Variants in ATG16L1 observed in about 807,000 individuals in gnomAD.
ATG16L1 encodes the protein autophagy-related protein 16-1.
Under a neutral mutation model 88.5 loss-of-function variants are expected in ATG16L1, and 37 were observed. The ratio of observed to expected loss-of-function variants is 0.42; its 90% CI spans 0.32 to 0.55. The LOEUF (loss-of-function observed/expected upper bound fraction) is 0.55, where lower values mean the gene tolerates loss of function less well. Ranked by LOEUF, ATG16L1 falls within the 20% of genes least tolerant of loss-of-function variation. ATG16L1 has a pLI of 0.13. For synonymous variants in ATG16L1, 301 were observed against 281.0 expected (o/e 1.07, Z -0.71); for missense variants, 554 against 752.8 (o/e 0.74, Z 3.09).
At chr2:233,276,440 T>C (rs541776341) in intron 9 of ATG16L1, among the ~76,000 whole-genome samples, 1 of 152,300 alleles carries the variant, frequency 6.6e-6, no homozygotes, top group South Asian at 2.1e-4. Flanking sequence ...CATAATCTTC[T>C]TAAGAGAGTA....
At chr2:233,276,701 T>C (rs536003019) in intron 9 of ATG16L1, among the ~76,000 whole-genome samples, 1 of 152,336 alleles carries the variant, frequency 6.6e-6, no homozygotes, top group East Asian at 1.9e-4. Context: ...GGTCTTGAAC[T>C]CCTGAGCTCA....
Position 233,286,650 on chromosome 2 carries a change from G to C in ATG16L1, c.1204-3204G>C, listed in dbSNP as rs550299890. ...TTTTTTTTTTTTTTTTTTTGAGACA[G>C]TGTCTCGCTCAGTCACCCAGGCTGG... On this transcript the variant is annotated intron_variant, in intron 12 of 17. Coordinates refer to ENST00000392017, the MANE Select transcript of ATG16L1 (RefSeq NM_030803.7). 7.7e-5 allele frequency among the ~76,000 whole-genome samples: 8 copies of C among 103,858 alleles called. No homozygotes were observed. The South Asian group carries it at 1.2e-3, about 15-fold the overall frequency. 68.1% of individuals were successfully genotyped at this position (103,858 alleles called of 152,430 possible).
intron 12 of ATG16L1, chr2:233,288,635 T>C (rs1289872281): frequency 2.4e-6 from 1 of 415,608 alleles, no homozygotes. Flanking sequence ...GAACCTCTGG[T>C]GTTTTACACA....
intron 12 of ATG16L1, among the ~76,000 whole-genome samples, chr2:233,284,417 C>T (rs913360827): frequency 1.7e-4 from 26 of 152,212 alleles, no homozygotes; most frequent in African/African-American, 6.3e-4. Context: ...CTGCAAGCTC[C>T]ACCTGCCAGG....
chr2:233,273,704 C>A lies in ATG16L1; in HGVS notation c.795-17C>A. The A allele has an allele frequency of 6.2e-7, 1 of 1,613,516 alleles. No homozygotes were observed. The highest frequency in any genetic ancestry group is 1.1e-5 in the South Asian group (1 of 91,012). On this transcript the variant is annotated splice_polypyrimidine_tract_variant and intron_variant, in intron 7 of 17. Transcript: ENST00000392017. ...AAATGTTTCTAAGGTTTAAACCTATCCTCCCCTCCTCTTTAGTAAGCGACT... is the reference window on the plus strand; with the variant it reads ...AAATGTTTCTAAGGTTTAAACCTATACTCCCCTCCTCTTTAGTAAGCGACT...
At chr2:233,267,474 T>C (rs1697686213) in intron 5 of ATG16L1, among the ~76,000 whole-genome samples, 1 of 152,172 alleles carries the variant, frequency 6.6e-6, no homozygotes, top group Admixed American at 6.5e-5. Context: ...AAAAAATGAC[T>C]GGAAGGAATT....
At chr2:233,271,331 T>C (rs980540319) in intron 6 of ATG16L1, among the ~76,000 whole-genome samples, 2 of 152,212 alleles carry the variant, frequency 1.3e-5, no homozygotes, top group African/African-American at 4.8e-5. Flanking sequence ...CAGGCTGGAG[T>C]GCAATGGTGC....
In ATG16L1 at chr2:233,273,717, T is replaced by G; in HGVS notation, c.795-4T>G. ...GTTTAAACCTATCCTCCCCTCCTCT[T>G]TAGTAAGCGACTCTCGCAGCCTGCT... is the stretch of plus-strand genomic sequence containing the variant. On this transcript the variant is annotated splice_region_variant and splice_polypyrimidine_tract_variant and intron_variant, in intron 7 of 17. Coordinates refer to ENST00000392017, the MANE Select transcript of ATG16L1 (RefSeq NM_030803.7). 6.2e-7 allele frequency: 1 copy of G among 1,614,158 alleles called. No homozygotes were observed.
In ATG16L1 at chr2:233,258,019, ATCTAT is replaced by A. The variant is rs1559377522; in HGVS notation, c.209+1825_209+1829del. Reference sequence around the variant, plus strand: ...TCCGTCTCAAAAAAAAAAAAAAAATATCTATATATCTATATATCTATATATCTATA... The same window carrying A: ...TCCGTCTCAAAAAAAAAAAAAAAATAATATCTATATATCTATATATCTATA... On this transcript the variant is annotated intron_variant, in intron 2 of 17. Coordinates refer to ENST00000392017, the MANE Select transcript of ATG16L1 (RefSeq NM_030803.7). Among the ~76,000 whole-genome samples the A allele has an allele frequency of 1.6e-3, 221 of 138,238 alleles. 4 individuals are homozygous for A. In the East Asian group the frequency reaches 0.029, roughly 18 times the overall value. 90.7% of individuals were successfully genotyped at this position (138,238 alleles called of 152,430 possible).
intron 9 of ATG16L1, chr2:233,277,329 C>T (rs972560387): frequency 4.8e-6 from 2 of 414,028 alleles, no homozygotes; most frequent in Non-Finnish European, 9.0e-6. Context: ...GCAGTCTACA[C>T]AGATTTTGAG....
intron 9 of ATG16L1, among the ~76,000 whole-genome samples, chr2:233,276,169 G>A (rs1050489334): frequency 6.6e-6 from 1 of 152,074 alleles, no homozygotes; most frequent in Admixed American, 6.6e-5. Flanking sequence ...CACTCCCTCC[G>A]TGATACTTCA....
Position 233,270,293 on chromosome 2 carries a change from C to G in ATG16L1, c.707+226C>G, listed in dbSNP as rs12105437. ...GTTAAAGGAAGAAAATGAAAACATA[C>G]AGTTCTTCCACCACTCAGAACTAAC... On this transcript the variant is annotated intron_variant, in intron 6 of 17. Transcript: ENST00000392017. Among the ~76,000 whole-genome samples the G allele has an allele frequency of 1.9e-4, 29 of 152,212 alleles. No homozygotes were observed. The South Asian group carries it at 2.1e-3, about 11-fold the overall frequency.
intron 8 of ATG16L1, 93 bp downstream of exon 8, chr2:233,273,870 G>A (rs929115586): frequency 3.2e-5 from 48 of 1,517,182 alleles, no homozygotes; most frequent in Non-Finnish European, 4.4e-5. Flanking sequence ...TACACCAGGT[G>A]TCAGTGATGC....
chr2:233,286,515 C>T (rs1699084719), intron 12 of ATG16L1, among the ~76,000 whole-genome samples: 1 of 151,756 alleles, frequency 6.6e-6, no homozygotes, highest in African/African-American at 2.4e-5. Context: ...TGAATGAATG[C>T]CTGTAGGAGG....
At chr2:233,293,071 G>C (rs1223925904) in intron 16 of ATG16L1, among the ~76,000 whole-genome samples, 185 bp from the exon 17 acceptor site, 1 of 152,172 alleles carries the variant, frequency 6.6e-6, no homozygotes, top group Admixed American at 6.5e-5. Context: ...AGCCGGACGG[G>C]GCTGAAATAC....
intron 1 of ATG16L1, among the ~76,000 whole-genome samples, chr2:233,252,152 C>T (rs1177369498): frequency 2.0e-5 from 3 of 152,224 alleles, no homozygotes; most frequent in Non-Finnish European, 4.4e-5. Context: ...TTAAATTGTA[C>T]GATCTTTGTG....
Position 233,290,237 on chromosome 2 carries a change from A to G in ATG16L1, c.1325-11A>G, listed in dbSNP as rs572358970. 6.2e-7 allele frequency: 1 copy of G among 1,613,408 alleles called. No homozygotes were observed. Among genetic ancestry groups the G allele is most frequent in the South Asian group, 1.1e-5 (1 of 91,068 alleles). On this transcript the variant is annotated splice_polypyrimidine_tract_variant and intron_variant, in intron 13 of 17. Coordinates refer to ENST00000392017, the MANE Select transcript of ATG16L1 (RefSeq NM_030803.7). ...CCTCTGCTTGATTAATGATGTTTGCATTTCTTTCAGGCATAAAGACAGTGT... is the reference window on the plus strand; with the variant it reads ...CCTCTGCTTGATTAATGATGTTTGCGTTTCTTTCAGGCATAAAGACAGTGT...
intron 12 of ATG16L1, among the ~76,000 whole-genome samples, chr2:233,283,730 T>A (rs1481054285): frequency 6.6e-6 from 1 of 152,018 alleles, no homozygotes; most frequent in African/African-American, 2.4e-5. Flanking sequence ...AGAGATGGGG[T>A]TTCACCATGT....
chr2:233,276,942 G>C (rs1402521895), intron 9 of ATG16L1, among the ~76,000 whole-genome samples: 1 of 152,114 alleles, frequency 6.6e-6, no homozygotes, highest in East Asian at 1.9e-4. Context: ...ACCATTCTGG[G>C]TTGCAAAAAC....
Sources: gnomAD v4.1 joint callset for allele counts (sites outside exome capture counted in the v4.1 genomes callset) on GRCh38, gnomAD v4.1.1 for gene constraint, MANE v1.5 for transcripts, NCBI Gene and HGNC (gene_info 2026-07-23, HGNC 2026-07-21) for gene names.